SAMD4A: variants seen among roughly 807,000 people sequenced by gnomAD.
SAMD4A encodes the protein sterile alpha motif domain containing 4A, also known as protein Smaug homolog 1.
A neutral mutation model predicts 81.3 loss-of-function variants in SAMD4A; 33 were observed. The observed-to-expected ratio is 0.41, with a 90% CI of 0.31 to 0.54. The LOEUF (loss-of-function observed/expected upper bound fraction) is 0.54, where lower values mean the gene tolerates loss of function less well. SAMD4A is among the 20% of genes least tolerant of loss of function. SAMD4A has a pLI of 0.37. For missense variants in SAMD4A, 854 were observed against 951.1 expected (o/e 0.90, Z 1.34); for synonymous variants, 389 against 382.1 (o/e 1.02, Z -0.21).
At chr14:54,766,124 A>T (rs2038535557) in intron 8 of SAMD4A, among the ~76,000 whole-genome samples, 1 of 152,174 alleles carries the variant, frequency 6.6e-6, no homozygotes, top group Non-Finnish European at 1.5e-5. Flanking sequence ...GCACCCAGGC[A>T]TTGTCAAAAG....
At chr14:54,637,381 AAAAAAAG>A (rs1314714633) in intron 2 of SAMD4A, among the ~76,000 whole-genome samples, 2 of 148,070 alleles carry the variant, frequency 1.4e-5, no homozygotes, top group African/African-American at 2.4e-5. Context: ...AAAAAAAAAA[AAAAAAAG>A]AGGCAAGAAG....
intron 2 of SAMD4A, among the ~76,000 whole-genome samples, chr14:54,663,896 G>A (rs2140479858): frequency 6.6e-6 from 1 of 152,294 alleles, no homozygotes; most frequent in South Asian, 2.1e-4. Context: ...CAGCTCAGTT[G>A]GGGGCCTGTT....
At chr14:54,646,263 G>A (rs568332285) in intron 2 of SAMD4A, among the ~76,000 whole-genome samples, 5 of 152,310 alleles carry the variant, frequency 3.3e-5, no homozygotes, top group African/African-American at 1.2e-4. Context: ...CAGTGCAAAT[G>A]AGAGCCAGTT....
At chr14:54,575,833 T>C (rs2033273067) in intron 2 of SAMD4A, among the ~76,000 whole-genome samples, 1 of 152,128 alleles carries the variant, frequency 6.6e-6, no homozygotes, top group Admixed American at 6.5e-5. Context: ...TCAGCAATAA[T>C]TCTCTCACCG....
chr14:54,573,196 TCA>T (rs1004216877), intron 2 of SAMD4A, among the ~76,000 whole-genome samples: 16 of 152,228 alleles, frequency 1.1e-4, no homozygotes, highest in African/African-American at 3.9e-4. Flanking sequence ...TTGTAGCAGG[TCA>T]CATATATTTG....
intron 2 of SAMD4A, among the ~76,000 whole-genome samples, chr14:54,665,753 C>G (rs886808926): frequency 2.0e-5 from 3 of 152,128 alleles, no homozygotes; most frequent in African/African-American, 4.8e-5. Context: ...CCTAATGAAC[C>G]CTGATTTCTG....
intron 2 of SAMD4A, among the ~76,000 whole-genome samples, chr14:54,656,364 T>A (rs2140444977): frequency 6.6e-6 from 1 of 152,332 alleles, no homozygotes; most frequent in East Asian, 1.9e-4. Context: ...CCATGTCACA[T>A]CTTTGGAGAG....
chr14:54,578,501 A>C (rs1384580178), intron 2 of SAMD4A, among the ~76,000 whole-genome samples: 4 of 152,128 alleles, frequency 2.6e-5, no homozygotes, highest in Admixed American at 6.5e-5. Context: ...ACTTGAGGTC[A>C]GGAGTTCAAG....
intron 4 of SAMD4A, among the ~76,000 whole-genome samples, chr14:54,741,993 C>A (rs534063504): frequency 1.1e-4 from 17 of 152,112 alleles, no homozygotes; most frequent in Non-Finnish European, 2.2e-4. Context: ...AGCAGAATGA[C>A]CTGCTTAGGT....
intron 2 of SAMD4A, among the ~76,000 whole-genome samples, chr14:54,609,835 C>T (rs2034310420): frequency 6.6e-6 from 1 of 152,226 alleles, no homozygotes; most frequent in Non-Finnish European, 1.5e-5. Context: ...AACTTGCTTA[C>T]AGGACCAAAG....
chr14:54,777,259 A>G (rs2038879377), intron 11 of SAMD4A, among the ~76,000 whole-genome samples: 1 of 151,590 alleles, frequency 6.6e-6, no homozygotes. Flanking sequence ...CCTGTAGGAA[A>G]ATGCCCTGGA....
intron 2 of SAMD4A, chr14:54,700,992 A>ATTTTTTTTTTTTTTTTTTT (rs1555344776): frequency 1.6e-5 from 2 of 121,654 alleles, no homozygotes; most frequent in Non-Finnish European, 1.8e-5. Flanking sequence ...TGAAACGGTG[A>ATTTTTTTTTTTTTTTTTTT]ATTTTTTTTT....
In SAMD4A at chr14:54,567,676, C is replaced by A; in HGVS notation, c.-241C>A. On this transcript the variant is annotated 5_prime_UTR_variant, in exon 2 of 13. Coordinates refer to ENST00000554335, the MANE Select transcript of SAMD4A (RefSeq NM_015589.6). ...AAAGTCGTTTTTTTTTTTAAAGAAA[C>A]ATTTCCGTGCTACTGTCTGTCATCG... The A allele has an allele frequency of 1.8e-3, 641 of 356,436 alleles. No individual in the cohort carries two copies. The highest frequency in any genetic ancestry group is 2.4e-3 in the Non-Finnish European group (455 of 191,824). The allele number at this position is 356,436 out of a possible 1,614,324, so 22.1% of individuals were successfully genotyped here. A position where few individuals can be genotyped will look rare whatever the true frequency, so the allele number is the denominator to read the frequency against.
chr14:54,689,338 G>C (rs1280981709), intron 2 of SAMD4A, among the ~76,000 whole-genome samples: 1 of 152,142 alleles, frequency 6.6e-6, no homozygotes, highest in Non-Finnish European at 1.5e-5. Context: ...CTGTAGGAGA[G>C]AGCCCCATGG....
At position 54,672,014 on chromosome 14, in the gene SAMD4A, T is replaced by C. The variant is rs531440680; in HGVS notation, c.197-30048T>C. 8.4e-3 allele frequency among the ~76,000 whole-genome samples: 897 copies of C among 106,972 alleles called. 10 individuals carry two copies. Among genetic ancestry groups the C allele is most frequent in the African/African-American group, 0.03 (846 of 28,484 alleles). The allele number at this position is 106,972 out of a possible 152,430, so 70.2% of individuals were successfully genotyped here. On this transcript the variant is annotated intron_variant, in intron 2 of 12. Transcript: ENST00000554335. Reference sequence around the variant, plus strand: ...CCCATCTACTGCTTCCTTTTCTGTTTATAGTGTTTTTTTTTTTTTTTTTTT... The same window carrying C: ...CCCATCTACTGCTTCCTTTTCTGTTCATAGTGTTTTTTTTTTTTTTTTTTT...
chr14:54,600,617 A>C (rs1453145366), intron 2 of SAMD4A, among the ~76,000 whole-genome samples: 1 of 152,216 alleles, frequency 6.6e-6, no homozygotes, highest in Non-Finnish European at 1.5e-5. Flanking sequence ...CCATCTCCCA[A>C]GTAACTGTTT....
chr14:54,595,549 G>A (rs1382013165), intron 2 of SAMD4A, among the ~76,000 whole-genome samples: 2 of 151,608 alleles, frequency 1.3e-5, no homozygotes, highest in Non-Finnish European at 2.9e-5. Flanking sequence ...TACAATACAA[G>A]GAACCAAGGA....
intron 3 of SAMD4A, chr14:54,703,011 T>A (rs371260835): frequency 2.9e-4 from 45 of 157,086 alleles, no homozygotes; most frequent in African/African-American, 1.0e-3. Flanking sequence ...CTCTTTATTT[T>A]TTTTTTCCTC....
chr14:54,682,888 A>G (rs1228726992), intron 2 of SAMD4A, among the ~76,000 whole-genome samples: 3 of 152,236 alleles, frequency 2.0e-5, no homozygotes, highest in African/African-American at 7.2e-5. Flanking sequence ...AAGGATAAAC[A>G]TGGGTTTTGG....
Sources: allele counts gnomAD v4.1 joint callset (sites outside exome capture counted in the v4.1 genomes callset), GRCh38; gene constraint gnomAD v4.1.1; transcripts MANE v1.5; gene names NCBI Gene and HGNC (gene_info 2026-07-23, HGNC 2026-07-21).